The following CSMD1 variants were observed in gnomAD, a reference collection of about 807,000 sequenced individuals.
CSMD1 encodes the protein CUB and Sushi multiple domains 1.
A neutral mutation model predicts 417.5 loss-of-function variants in CSMD1; 213 were observed. The ratio of observed to expected loss-of-function variants is 0.51; its 90% CI spans 0.46 to 0.57. The LOEUF (loss-of-function observed/expected upper bound fraction) is 0.57, where lower values mean the gene tolerates loss of function less well. Ranked by LOEUF, CSMD1 falls within the 20% of genes least tolerant of loss-of-function variation. The pLI is 0.00. For missense variants in CSMD1, 6,923 were observed against 4,529.7 expected (o/e 1.53, Z -15.17); for synonymous variants, 2,862 against 1,736.8 (o/e 1.65, Z -16.11).
chr8:4,531,135 TG>T (rs1796798013), intron 2 of CSMD1, among the ~76,000 whole-genome samples: 1 of 152,328 alleles, frequency 6.6e-6, no homozygotes, highest in African/African-American at 2.4e-5. Flanking sequence ...GTAACTTAAC[TG>T]TGTGAGTAGG....
intron 1 of CSMD1, among the ~76,000 whole-genome samples, chr8:4,649,736 GTTTC>G (rs1708144909): frequency 1.3e-5 from 2 of 152,136 alleles, no homozygotes; most frequent in African/African-American, 4.8e-5. Context: ...GCTAAATTCT[GTTTC>G]TTTGTCTCTA....
chr8:3,453,934 T>C (rs977334888), intron 12 of CSMD1, among the ~76,000 whole-genome samples: 36 of 152,178 alleles, frequency 2.4e-4, no homozygotes, highest in African/African-American at 8.2e-4. Context: ...CCATTATTAT[T>C]GTGTGGGACT....
At chr8:3,937,141 A>G (rs1204422894) in intron 5 of CSMD1, among the ~76,000 whole-genome samples, 2 of 152,194 alleles carry the variant, frequency 1.3e-5, no homozygotes, top group Non-Finnish European at 2.9e-5. Flanking sequence ...ATGGATGAGC[A>G]AAGAAAGTGG....
chr8:4,882,390 T>A (rs185234414), intron 1 of CSMD1, among the ~76,000 whole-genome samples: 44 of 151,836 alleles, frequency 2.9e-4, no homozygotes, highest in African/African-American at 1.0e-3. Context: ...TGAAGAGTAT[T>A]GGGGAGCGAG....
chr8:3,445,195 C>A (rs534053654), intron 12 of CSMD1, among the ~76,000 whole-genome samples: 6 of 152,182 alleles, frequency 3.9e-5, no homozygotes, highest in Non-Finnish European at 8.8e-5. Flanking sequence ...ATTCTTTTAT[C>A]ACCTCATCAT....
chr8:4,300,022 T>C (rs1430878481), intron 3 of CSMD1, among the ~76,000 whole-genome samples: 1 of 152,196 alleles, frequency 6.6e-6, no homozygotes, highest in Non-Finnish European at 1.5e-5. Context: ...CAAGTTTGTA[T>C]AAAGAGGCCA....
chr8:3,059,095 G>C (rs1812418427), intron 49 of CSMD1, among the ~76,000 whole-genome samples: 1 of 151,752 alleles, frequency 6.6e-6, no homozygotes, highest in Non-Finnish European at 1.5e-5. Flanking sequence ...CTCACTATTG[G>C]ATGAGACCAT....
At chr8:3,616,395 T>C (rs540923872) in intron 8 of CSMD1, among the ~76,000 whole-genome samples, 2 of 152,216 alleles carry the variant, frequency 1.3e-5, no homozygotes, top group African/African-American at 4.8e-5. Flanking sequence ...CCTTCTGCCA[T>C]GATTGTAAGT....
intron 26 of CSMD1, among the ~76,000 whole-genome samples, chr8:3,234,031 G>C (rs1799008507): frequency 6.6e-6 from 1 of 152,146 alleles, no homozygotes; most frequent in South Asian, 2.1e-4. Flanking sequence ...AACACCCTTT[G>C]GTGTTCCAGC....
chr8:3,685,240 A>G (rs941635426), intron 7 of CSMD1, among the ~76,000 whole-genome samples: 1 of 152,236 alleles, frequency 6.6e-6, no homozygotes, highest in Non-Finnish European at 1.5e-5. Flanking sequence ...AATAGTGACT[A>G]TAAAATAAAG....
At chr8:4,050,106 G>C (rs1445777472) in intron 3 of CSMD1, among the ~76,000 whole-genome samples, 3 of 152,118 alleles carry the variant, frequency 2.0e-5, no homozygotes, top group Non-Finnish European at 2.9e-5. Context: ...GTGGGTTGTT[G>C]GGAAGATCAC....
intron 10 of CSMD1, among the ~76,000 whole-genome samples, chr8:3,518,505 C>A (rs1378984345): frequency 2.0e-5 from 3 of 152,046 alleles, no homozygotes; most frequent in African/African-American, 7.2e-5. Flanking sequence ...AACAAAGAAT[C>A]AGAAAAATGA....
At chr8:3,364,608 A>G (rs562768707) in intron 20 of CSMD1, among the ~76,000 whole-genome samples, 33 of 152,234 alleles carry the variant, frequency 2.2e-4, no homozygotes, top group South Asian at 2.1e-3. Flanking sequence ...GGGAGTGTTT[A>G]TGTCATGAGG....
chr8:4,303,511 C>T (rs936995960), intron 3 of CSMD1, among the ~76,000 whole-genome samples: 2 of 126,368 alleles, frequency 1.6e-5, no homozygotes, highest in African/African-American at 6.0e-5. Context: ...ATCTCTAGCA[C>T]GTCTATATTC....
At chr8:3,168,292 G>C (rs924929734) in intron 37 of CSMD1, among the ~76,000 whole-genome samples, 1 of 152,120 alleles carries the variant, frequency 6.6e-6, no homozygotes, top group Non-Finnish European at 1.5e-5. Context: ...CAACTTGTTG[G>C]CTGTAGTGTT....
chr8:3,662,311 T>A (rs1798460592), intron 7 of CSMD1, among the ~76,000 whole-genome samples: 1 of 152,200 alleles, frequency 6.6e-6, no homozygotes, highest in African/African-American at 2.4e-5. Flanking sequence ...GAACTATAAA[T>A]GTTGTAAACA....
chr8:4,517,084 A>G (rs1458058857), intron 2 of CSMD1, among the ~76,000 whole-genome samples: 1 of 152,202 alleles, frequency 6.6e-6, no homozygotes, highest in African/African-American at 2.4e-5. Context: ...CAGAAATTTA[A>G]ATTATGTTTT....
At chr8:3,444,847 G>A (rs1320455921) in intron 12 of CSMD1, among the ~76,000 whole-genome samples, 2 of 152,104 alleles carry the variant, frequency 1.3e-5, no homozygotes, top group Non-Finnish European at 2.9e-5. Context: ...AATACAAAAA[G>A]AAGCAACAGA....
At position 3,300,639 on chromosome 8, in the gene CSMD1, G is replaced by C. The variant is rs181671959; in HGVS notation, c.3950+7056C>G. Among the ~76,000 whole-genome samples, 27 of 152,116 alleles carry C rather than the reference G, an allele frequency of 1.8e-4. No individual in the cohort carries two copies. In the East Asian group the frequency reaches 4.8e-3, roughly 27 times the overall value. ...CAAAGATTTACTTACAAGACTACTT[G>C]TCACATCATTATGTACAACATGAAA... On this transcript the variant is annotated intron_variant, in intron 25 of 69. Transcript: ENST00000635120.
Sources: allele counts gnomAD v4.1 joint callset (sites outside exome capture counted in the v4.1 genomes callset), GRCh38; gene constraint gnomAD v4.1.1; transcripts MANE v1.5; gene names NCBI Gene and HGNC (gene_info 2026-07-23, HGNC 2026-07-21).